AQR: variants seen among roughly 807,000 people sequenced by gnomAD.
The protein encoded by AQR is aquarius intron-binding spliceosomal factor, also known as RNA helicase aquarius.
A neutral mutation model predicts 180.5 loss-of-function variants in AQR; 61 were observed. The observed-to-expected ratio is 0.34, with a 90% CI of 0.28 to 0.42. The LOEUF (loss-of-function observed/expected upper bound fraction) is 0.42, where lower values mean the gene tolerates loss of function less well. Among genes scored for constraint, AQR ranks in the 10% least tolerant of loss-of-function variants. The pLI, the probability that AQR is intolerant of heterozygous loss-of-function variation, is 1.00. For synonymous variants in AQR, 551 were observed against 588.8 expected (o/e 0.94, Z 0.93); for missense variants, 1,281 against 1,798.3 (o/e 0.71, Z 5.20).
At chr15:34,933,590 A>G (rs570780690) in intron 10 of AQR, among the ~76,000 whole-genome samples, 54 of 152,338 alleles carry the variant, frequency 3.5e-4, no homozygotes, top group Middle Eastern at 6.8e-3. Context: ...GACTTCACCC[A>G]CTACAGAAAA....
intron 34 of AQR, among the ~76,000 whole-genome samples, chr15:34,858,023 G>A (rs1382818576): frequency 2.6e-5 from 4 of 151,990 alleles, no homozygotes; most frequent in Admixed American, 1.3e-4. Flanking sequence ...CCACTCTGTC[G>A]CCCAAGCTGG....
At chr15:34,967,301 A>G (rs982916561) in intron 1 of AQR, among the ~76,000 whole-genome samples, 20 of 152,242 alleles carry the variant, frequency 1.3e-4, no homozygotes, top group African/African-American at 4.3e-4. Flanking sequence ...CTCAAATGTC[A>G]CCTCGGAGAG....
intron 1 of AQR, 79 bp downstream of exon 1, chr15:34,969,460 T>TA: frequency 6.6e-7 from 1 of 1,506,872 alleles, no homozygotes; most frequent in Non-Finnish European, 9.1e-7. Flanking sequence ...TCCTAAATCC[T>TA]GAAAAAAAAC....
chr15:34,874,223 C>T (rs932795144), intron 29 of AQR: 31 of 422,704 alleles, frequency 7.3e-5, no homozygotes, highest in African/African-American at 5.9e-4. Flanking sequence ...TTCTATTACG[C>T]TCTCTGAGGT....
chr15:34,928,924 T>G (rs1893806745), intron 12 of AQR, among the ~76,000 whole-genome samples: 1 of 152,256 alleles, frequency 6.6e-6, no homozygotes, highest in South Asian at 2.1e-4. Flanking sequence ...TGGTTTTGAC[T>G]TGCATTTCTC....
chr15:34,923,525 G>T (rs955050839), intron 13 of AQR, among the ~76,000 whole-genome samples: 2 of 151,890 alleles, frequency 1.3e-5, no homozygotes, highest in African/African-American at 4.8e-5. Context: ...ACAAACCCAC[G>T]ATCACAAAAA....
chr15:34,930,170 G>C, intron 12 of AQR, 88 bp downstream of exon 12: 2 of 651,376 alleles, frequency 3.1e-6, no homozygotes, highest in East Asian at 2.6e-5. Flanking sequence ...AAATTAACAT[G>C]GTTTTCAATC....
chr15:34,937,727 T>C (rs1343041233), intron 9 of AQR, among the ~76,000 whole-genome samples: 1 of 151,730 alleles, frequency 6.6e-6, no homozygotes, highest in East Asian at 1.9e-4. Context: ...CTACTAAAAA[T>C]ACAAAAATTA....
At chr15:34,963,064 G>T (rs1433672082) in intron 2 of AQR, among the ~76,000 whole-genome samples, 4 of 152,084 alleles carry the variant, frequency 2.6e-5, no homozygotes, top group Non-Finnish European at 4.4e-5. Flanking sequence ...GCAGCCTCAA[G>T]CTCCTGGGCT....
intron 5 of AQR, among the ~76,000 whole-genome samples, chr15:34,947,012 C>A (rs1203319515): frequency 3.3e-5 from 5 of 152,192 alleles, no homozygotes; most frequent in Non-Finnish European, 7.3e-5. Flanking sequence ...GGGAGGTGTG[C>A]CCAACAGCTC....
intron 32 of AQR, among the ~76,000 whole-genome samples, chr15:34,866,769 A>G (rs908266972): frequency 1.3e-5 from 2 of 152,142 alleles, no homozygotes; most frequent in Non-Finnish European, 2.9e-5. Context: ...AACTTCTAGT[A>G]TGCAAAACAA....
chr15:34,956,886 C>T (rs1398086777), intron 3 of AQR, among the ~76,000 whole-genome samples: 2 of 152,110 alleles, frequency 1.3e-5, no homozygotes, highest in African/African-American at 4.8e-5. Flanking sequence ...GAGCAGAATG[C>T]AAGGTGCTTA....
rs199823371 is a variant in AQR, at chr15:34,911,905, G to C, written c.1485-1592C>G. 3.2e-3 allele frequency among the ~76,000 whole-genome samples: 477 copies of C among 151,180 alleles called. 4 individuals carry two copies. The highest frequency in any genetic ancestry group is 0.011 in the African/African-American group (452 of 41,282). On this transcript the variant is annotated intron_variant, in intron 16 of 34. Coordinates refer to ENST00000156471, the MANE Select transcript of AQR (RefSeq NM_014691.3). ...GCTTTTCCCCTATGTTTTCTTCTCG[G>C]AGTTTCATGGGTTCAGGTCTTACGT...
chr15:34,922,013 T>G (rs572612112), intron 13 of AQR, among the ~76,000 whole-genome samples: 8 of 152,308 alleles, frequency 5.3e-5, no homozygotes, highest in Non-Finnish European at 7.4e-5. Flanking sequence ...GGTTTCACCA[T>G]GTTGCCCAGG....
chr15:34,874,248 T>A (rs538752757), intron 29 of AQR: 28 of 364,622 alleles, frequency 7.7e-5, no homozygotes, highest in Admixed American at 2.2e-4. Flanking sequence ...GCTATCTTTA[T>A]CCCTTAAATT....
intron 32 of AQR, among the ~76,000 whole-genome samples, chr15:34,863,528 A>G (rs1053279148): frequency 2.6e-5 from 4 of 152,304 alleles, no homozygotes; most frequent in Middle Eastern, 3.4e-3. Flanking sequence ...AAACAACACA[A>G]GTTGAGCATC....
chr15:34,868,969 TA>T (rs774249029), intron 31 of AQR: 1 of 152,312 alleles, frequency 6.6e-6, no homozygotes, highest in Non-Finnish European at 1.5e-5. Flanking sequence ...CATGTACAAA[TA>T]TTTTTGTGGA....
chr15:34,883,065 C>G (rs1893000384), intron 26 of AQR, among the ~76,000 whole-genome samples: 1 of 152,052 alleles, frequency 6.6e-6, no homozygotes. Flanking sequence ...ACTATCATCC[C>G]TAGACTAGAA....
rs1172091376 is a variant in AQR at position 34,904,584 on chromosome 15, A to G, written c.1832-79T>C. The G allele has an allele frequency of 3.7e-6, 5 of 1,344,848 alleles. No homozygotes were observed. The East Asian group carries it at 1.3e-4, about 36-fold the overall frequency. The allele number at this position is 1,344,848 out of a possible 1,614,324, so 83.3% of individuals were successfully genotyped here. ...AATAAGTTAACAGTATTTCTTTTCT[A>G]GAAATGGTGAGTAAATGGTTCAGGC... On this transcript the variant is annotated intron_variant, in intron 18 of 34. Coordinates refer to ENST00000156471, the MANE Select transcript of AQR (RefSeq NM_014691.3).
Sources: gnomAD v4.1 joint callset for allele counts (sites outside exome capture counted in the v4.1 genomes callset) on GRCh38, gnomAD v4.1.1 for gene constraint, MANE v1.5 for transcripts, NCBI Gene and HGNC (gene_info 2026-07-23, HGNC 2026-07-21) for gene names.